PITPNC1: variants seen among roughly 807,000 people sequenced by gnomAD.
PITPNC1 encodes the protein cytoplasmic phosphatidylinositol transfer protein 1.
PITPNC1 carries 18 observed loss-of-function variants against 44.7 expected under a neutral mutation model. The observed-to-expected ratio is 0.40, with a 90% CI of 0.28 to 0.60. PITPNC1 has a LOEUF of 0.60. Among genes scored for constraint, PITPNC1 ranks in the 20% least tolerant of loss-of-function variants. The pLI, the probability that PITPNC1 is intolerant of heterozygous loss-of-function variation, is 0.39. For synonymous variants in PITPNC1, 141 were observed against 149.6 expected, an observed-to-expected ratio of 0.94 and a Z score of 0.42; for missense variants, 290 against 418.4, an observed-to-expected ratio of 0.69 and a Z score of 2.68.
intron 5 of PITPNC1, among the ~76,000 whole-genome samples, chr17:67,603,526 C>G (rs1411759635): frequency 6.6e-6 from 1 of 152,190 alleles, no homozygotes; most frequent in Non-Finnish European, 1.5e-5. Flanking sequence ...TCTGCACAGC[C>G]TCACAGCTAG....
At chr17:67,496,913 T>TAA (rs879367785) in intron 1 of PITPNC1, among the ~76,000 whole-genome samples, 5 of 143,650 alleles carry the variant, frequency 3.5e-5, no homozygotes, top group Non-Finnish European at 7.7e-5. Context: ...TACCATAGTT[T>TAA]AAAAAAAAAA....
intron 1 of PITPNC1, among the ~76,000 whole-genome samples, chr17:67,412,155 C>T (rs905814116): frequency 6.6e-6 from 1 of 152,186 alleles, no homozygotes; most frequent in African/African-American, 2.4e-5. Flanking sequence ...TGCCTCACCC[C>T]TTGCCTGGCC....
At position 67,549,114 on chromosome 17, in the gene PITPNC1, C is replaced by T. The variant is rs555754185; in HGVS notation, c.198-3143C>T. ...TGGAACTTGTTGCAAATACCTCTCG[C>T]GTCTGGCCTGGAAAATACCAGAAGG... On this transcript the variant is annotated intron_variant, in intron 2 of 8. Coordinates refer to ENST00000581322, the MANE Select transcript of PITPNC1 (RefSeq NM_012417.4). Among the ~76,000 whole-genome samples the T allele has an allele frequency of 3.9e-5, 6 of 152,170 alleles. 1 individual carries two copies. Among genetic ancestry groups the T allele is most frequent in the South Asian group, 4.1e-4 (2 of 4,836 alleles).
intron 1 of PITPNC1, among the ~76,000 whole-genome samples, chr17:67,453,922 T>TG (rs2039219554): frequency 6.6e-6 from 1 of 152,120 alleles, no homozygotes; most frequent in African/African-American, 2.4e-5. Flanking sequence ...CTTGATTTGT[T>TG]GGGGAACTTT....
intron 1 of PITPNC1, among the ~76,000 whole-genome samples, chr17:67,450,164 G>T (rs937154265): frequency 1.3e-5 from 2 of 152,152 alleles, no homozygotes; most frequent in African/African-American, 4.8e-5. Flanking sequence ...AGTAAATTTA[G>T]AATCAGTTTC....
chr17:67,605,716 G>A (rs1042504041), intron 5 of PITPNC1, among the ~76,000 whole-genome samples: 1 of 152,178 alleles, frequency 6.6e-6, no homozygotes, highest in African/African-American at 2.4e-5. Flanking sequence ...AACCAGTTCG[G>A]AAAACTCTTC....
chr17:67,652,557 T>C (rs2042220635), intron 6 of PITPNC1, among the ~76,000 whole-genome samples: 1 of 152,124 alleles, frequency 6.6e-6, no homozygotes, highest in Non-Finnish European at 1.5e-5. Context: ...CTGGAGAGAA[T>C]CGGTAGCATC....
chr17:67,414,994 C>T (rs567144798), intron 1 of PITPNC1, among the ~76,000 whole-genome samples: 1 of 152,326 alleles, frequency 6.6e-6, no homozygotes, highest in Admixed American at 6.5e-5. Context: ...GATTCTCCAT[C>T]TCAGCCTCCT....
chr17:67,599,658 A>C (rs759452744), intron 5 of PITPNC1, among the ~76,000 whole-genome samples: 5 of 152,212 alleles, frequency 3.3e-5, no homozygotes, highest in Non-Finnish European at 7.3e-5. Context: ...TGTGAGAATG[A>C]GCAATAAGGT....
chr17:67,583,043 A>G (rs968730163), intron 5 of PITPNC1, among the ~76,000 whole-genome samples: 2 of 152,252 alleles, frequency 1.3e-5, no homozygotes, highest in African/African-American at 4.8e-5. Flanking sequence ...AAGTTTTAAC[A>G]ACTCATGCCT....
intron 1 of PITPNC1, among the ~76,000 whole-genome samples, chr17:67,485,933 C>T (rs1043795259): frequency 3.0e-4 from 45 of 152,058 alleles, no homozygotes; most frequent in Admixed American, 2.4e-3. Context: ...TAAAGAATGG[C>T]TCTGCAAATG....
In PITPNC1 at chr17:67,378,445, A is replaced by G. The variant is rs563079611; in HGVS notation, c.48+243A>G. Among the ~76,000 whole-genome samples the G allele has an allele frequency of 2.1e-3, 323 of 152,108 alleles. 1 individual carries two copies. The highest frequency in any genetic ancestry group is 7.5e-3 in the African/African-American group (312 of 41,522). On this transcript the variant is annotated intron_variant, in intron 1 of 8. Coordinates refer to ENST00000581322, the MANE Select transcript of PITPNC1 (RefSeq NM_012417.4). ...CTTTTCGGGGGCGCCCAGAATCCAG[A>G]CTGTTGGGGATCACTATGAGCCAAA...
At chr17:67,384,731 TCA>T (rs1452114721) in intron 1 of PITPNC1, among the ~76,000 whole-genome samples, 3 of 152,186 alleles carry the variant, frequency 2.0e-5, no homozygotes, top group Non-Finnish European at 1.5e-5. Context: ...GGCCTTGTTC[TCA>T]GTTTTAAACC....
intron 1 of PITPNC1, among the ~76,000 whole-genome samples, chr17:67,399,974 CT>C (rs1412342209): frequency 1.3e-5 from 2 of 152,204 alleles, no homozygotes; most frequent in Non-Finnish European, 2.9e-5. Flanking sequence ...CAAATGCCCT[CT>C]TTTGGCCTGT....
chr17:67,580,527 G>GAC (rs772458572), intron 5 of PITPNC1, among the ~76,000 whole-genome samples: 1 of 152,034 alleles, frequency 6.6e-6, no homozygotes, highest in Non-Finnish European at 1.5e-5. Context: ...TTTTTTTAGA[G>GAC]ACGTGGTTGT....
At chr17:67,390,848 C>T (rs540876556) in intron 1 of PITPNC1, among the ~76,000 whole-genome samples, 4 of 152,178 alleles carry the variant, frequency 2.6e-5, no homozygotes, top group Non-Finnish European at 5.9e-5. Context: ...CCACATTATA[C>T]AAGACTGTTT....
intron 1 of PITPNC1, among the ~76,000 whole-genome samples, chr17:67,427,659 C>G (rs2038791045): frequency 6.6e-6 from 1 of 152,156 alleles, no homozygotes; most frequent in African/African-American, 2.4e-5. Context: ...TTATTCTCAC[C>G]AGGGCCTGTT....
At chr17:67,502,236 T>C (rs936079850) in intron 1 of PITPNC1, among the ~76,000 whole-genome samples, 9 of 152,166 alleles carry the variant, frequency 5.9e-5, no homozygotes. Context: ...CTTAGTGCTC[T>C]TCTCTGCTTT....
At chr17:67,426,065 G>A (rs920237153) in intron 1 of PITPNC1, among the ~76,000 whole-genome samples, 5 of 152,168 alleles carry the variant, frequency 3.3e-5, no homozygotes, top group Admixed American at 6.6e-5. Flanking sequence ...GCTCTTTGGA[G>A]CTTGAAAATC....
Sources: allele counts gnomAD v4.1 joint callset (sites outside exome capture counted in the v4.1 genomes callset), GRCh38; gene constraint gnomAD v4.1.1; transcripts MANE v1.5; gene names NCBI Gene and HGNC (gene_info 2026-07-23, HGNC 2026-07-21).